The following PRKAR1B variants were observed in gnomAD, a reference collection of about 807,000 sequenced individuals.
PRKAR1B encodes cAMP-dependent protein kinase type I-beta regulatory subunit.
In PRKAR1B, 22 loss-of-function variants were observed where a neutral mutation model predicts 46.5. The ratio of observed to expected loss-of-function variants is 0.47; its 90% CI spans 0.34 to 0.68. PRKAR1B has a LOEUF of 0.68. PRKAR1B is among the 30% of genes least tolerant of loss of function. PRKAR1B has a pLI of 0.01. For synonymous variants in PRKAR1B, 259 were observed against 217.7 expected (o/e 1.19, Z -1.67); for missense variants, 445 against 535.6 (o/e 0.83, Z 1.67).
At chr7:679,330 G>A (rs573465511) in intron 3 of PRKAR1B, among the ~76,000 whole-genome samples, 60 of 152,242 alleles carry the variant, frequency 3.9e-4, no homozygotes, top group Non-Finnish European at 7.5e-4. Context: ...TGTCTCCCCC[G>A]TGGCCTCCGG....
At chr7:689,726 C>T (rs982809958) in intron 2 of PRKAR1B, among the ~76,000 whole-genome samples, 8 of 151,696 alleles carry the variant, frequency 5.3e-5, no homozygotes, top group South Asian at 4.2e-4. Context: ...GTTGCCCAGG[C>T]TGGAGTGCAG....
intron 4 of PRKAR1B, among the ~76,000 whole-genome samples, chr7:610,354 C>T (rs1782407346): frequency 6.6e-6 from 1 of 152,176 alleles, no homozygotes; most frequent in Non-Finnish European, 1.5e-5. Context: ...CACCCAGGTG[C>T]CTGGGCGTGG....
intron 6 of PRKAR1B, chr7:603,344 G>A (rs944998541): frequency 6.6e-6 from 1 of 152,476 alleles, no homozygotes; most frequent in Non-Finnish European, 1.5e-5. Context: ...GCTGGGCCTG[G>A]CGGGGTCTTG....
At chr7:663,962 A>T (rs185336955) in intron 4 of PRKAR1B, among the ~76,000 whole-genome samples, 2 of 152,330 alleles carry the variant, frequency 1.3e-5, no homozygotes, top group African/African-American at 4.8e-5. Context: ...GACCTGGGCA[A>T]GCCCCCCGCT....
intron 4 of PRKAR1B, among the ~76,000 whole-genome samples, chr7:673,448 G>C (rs866166853): frequency 5.3e-5 from 8 of 151,996 alleles, no homozygotes; most frequent in Admixed American, 2.6e-4. Flanking sequence ...AGGAGATCGA[G>C]ACCATCCTGG....
chr7:618,709 C>T (rs930837111), intron 4 of PRKAR1B, among the ~76,000 whole-genome samples: 2 of 152,190 alleles, frequency 1.3e-5, no homozygotes, highest in African/African-American at 4.8e-5. Flanking sequence ...GTTTCCTCTT[C>T]TGTAAACTTC....
intron 9 of PRKAR1B, among the ~76,000 whole-genome samples, chr7:573,742 A>C (rs1205231389): frequency 6.6e-6 from 1 of 152,236 alleles, no homozygotes; most frequent in Non-Finnish European, 1.5e-5. Context: ...CAGAAAGCGG[A>C]AAACACTGGA....
chr7:648,082 G>C (rs1784716096), intron 4 of PRKAR1B, among the ~76,000 whole-genome samples: 1 of 149,672 alleles, frequency 6.7e-6, no homozygotes, highest in Non-Finnish European at 1.5e-5. Flanking sequence ...GGAGGTTGAG[G>C]CTGCAGTGAG....
intron 4 of PRKAR1B, among the ~76,000 whole-genome samples, chr7:646,030 A>T (rs1324093254): frequency 6.6e-6 from 1 of 152,068 alleles, no homozygotes; most frequent in African/African-American, 2.4e-5. Context: ...CATGTTGCTC[A>T]GTAACCCCAA....
intron 4 of PRKAR1B, among the ~76,000 whole-genome samples, chr7:643,480 T>C (rs920659130): frequency 6.6e-6 from 1 of 151,380 alleles, no homozygotes; most frequent in African/African-American, 2.5e-5. Flanking sequence ...CCCAGCACTT[T>C]GGGAGGCCGA....
intron 2 of PRKAR1B, among the ~76,000 whole-genome samples, chr7:700,323 C>T (rs1041308451): frequency 6.6e-6 from 1 of 152,196 alleles, no homozygotes; most frequent in Admixed American, 6.6e-5. Flanking sequence ...TGAGAGAGAA[C>T]TTGCAGCATG....
chr7:648,930 G>A (rs1045690965), intron 4 of PRKAR1B, among the ~76,000 whole-genome samples: 11 of 152,186 alleles, frequency 7.2e-5, no homozygotes, highest in African/African-American at 2.4e-4. Flanking sequence ...TTGGGAGGCC[G>A]AGGCAGGTGG....
chr7:726,943 C>T lies in PRKAR1B; in HGVS notation c.-23+267G>A. ...CACCGCTTTCCAGGGCCCCTGGGCG[C>T]GCCTACTGCTGCCGCGCTTGCTGCG... On this transcript the variant is annotated intron_variant, in intron 1 of 10. Coordinates refer to ENST00000537384, the MANE Select transcript of PRKAR1B (RefSeq NM_001164760.2). 7.5e-7 allele frequency: 1 copy of T among 1,336,808 alleles called. No homozygotes were observed. Among genetic ancestry groups the T allele is most frequent in the African/African-American group, 1.5e-5 (1 of 64,938 alleles). 82.8% of individuals were successfully genotyped at this position (1,336,808 alleles called of 1,614,324 possible).
At chr7:683,941 CCA>C (rs1365174654) in intron 2 of PRKAR1B, among the ~76,000 whole-genome samples, 1 of 152,214 alleles carries the variant, frequency 6.6e-6, no homozygotes, top group Admixed American at 6.5e-5. Flanking sequence ...GTGCCAATGC[CCA>C]CCTCCACGTG....
In PRKAR1B at chr7:602,297, G is replaced by T. The variant is rs1399467342; in HGVS notation, c.549+3896C>A. On this transcript the variant is annotated intron_variant, in intron 6 of 10. Coordinates refer to ENST00000537384, the MANE Select transcript of PRKAR1B (RefSeq NM_001164760.2). The surrounding 1 kb of genome is among the most constrained non-coding windows in gnomAD (Gnocchi z 6.4). ...ACAGACGGCGGCGGGGGGAGGGGGGGTCTGTCCTGCTGGAAGGACGGAGGG... is the reference window on the plus strand; with the variant it reads ...ACAGACGGCGGCGGGGGGAGGGGGGTTCTGTCCTGCTGGAAGGACGGAGGG... Among the ~76,000 whole-genome samples the T allele has an allele frequency of 4.0e-5, 6 of 149,082 alleles. No individual in the cohort carries two copies. The highest frequency in any genetic ancestry group is 4.0e-4 in the Admixed American group (6 of 14,948).
intron 8 of PRKAR1B, among the ~76,000 whole-genome samples, chr7:580,888 C>T (rs934767110): frequency 2.0e-5 from 3 of 152,132 alleles, no homozygotes; most frequent in Non-Finnish European, 2.9e-5. Flanking sequence ...AAATCCCTGT[C>T]GGCGCCGTAG....
At chr7:623,399 C>A (rs149525923) in intron 4 of PRKAR1B, among the ~76,000 whole-genome samples, 3,681 of 152,288 alleles carry the variant, frequency 0.024, 166 homozygotes, top group African/African-American at 0.084. Context: ...TTCTTCTAGG[C>A]CCATCTGTAC....
At position 588,919 on chromosome 7, in the gene PRKAR1B, T is replaced by C. The variant is rs965960013; in HGVS notation, c.709-4351A>G. Among the ~76,000 whole-genome samples the C allele has an allele frequency of 2.8e-3, 26 of 9,262 alleles. 9 individuals are homozygous for C. The highest frequency in any genetic ancestry group is 0.014 in the East Asian group (2 of 148). The allele number at this position is 9,262 out of a possible 152,430, so 6.1% of individuals were successfully genotyped here. ...GTGATGGTGACGGTGGTGATGGTGA[T>C]GGTGGGGATAGAGATGGTGGTGATG... On this transcript the variant is annotated intron_variant, in intron 7 of 10. Transcript: ENST00000537384.
chr7:659,665 T>C (rs957277636), intron 4 of PRKAR1B, among the ~76,000 whole-genome samples: 59 of 152,312 alleles, frequency 3.9e-4, no homozygotes, highest in African/African-American at 1.3e-3. Flanking sequence ...AGAGGCTGCT[T>C]CCTCCACAGC....
Sources: gnomAD v4.1 joint callset for allele counts (sites outside exome capture counted in the v4.1 genomes callset) on GRCh38, gnomAD v4.1.1 for gene constraint, Gnocchi (gnomAD v3.1) non-coding constraint, MANE v1.5 for transcripts, NCBI Gene and HGNC (gene_info 2026-07-23, HGNC 2026-07-21) for gene names.